DNAJC1: variants seen among roughly 807,000 people sequenced by gnomAD.
DNAJC1 encodes the protein dnaJ homolog subfamily C member 1.
Under a neutral mutation model 76.6 loss-of-function variants are expected in DNAJC1, and 58 were observed. The ratio of observed to expected loss-of-function variants is 0.76; its 90% CI spans 0.61 to 0.94. The LOEUF is 0.94. DNAJC1 is among the 40% of genes least tolerant of loss of function. DNAJC1 has a pLI of 0.00. For synonymous variants in DNAJC1, 258 were observed against 267.9 expected (o/e 0.96, Z 0.36); for missense variants, 689 against 677.3 (o/e 1.02, Z -0.19).
intron 1 of DNAJC1, among the ~76,000 whole-genome samples, chr10:21,978,025 T>C (rs1838092698): frequency 1.3e-5 from 2 of 152,292 alleles, no homozygotes; most frequent in African/African-American, 2.4e-5. Flanking sequence ...CTGTTTTTTA[T>C]ATAGGAGCAT....
chr10:21,868,725 T>C (rs889266024), intron 8 of DNAJC1, among the ~76,000 whole-genome samples: 33 of 151,880 alleles, frequency 2.2e-4, no homozygotes, highest in African/African-American at 6.8e-4. Flanking sequence ...AACTAAAATT[T>C]GAAGCTCCCC....
intron 8 of DNAJC1, among the ~76,000 whole-genome samples, chr10:21,837,273 C>T (rs770816765): frequency 3.3e-5 from 5 of 152,196 alleles, no homozygotes; most frequent in Non-Finnish European, 7.3e-5. Context: ...CCCTCCACCT[C>T]CCAGCCGCCT....
intron 9 of DNAJC1, among the ~76,000 whole-genome samples, chr10:21,794,029 C>A (rs534545639): frequency 6.6e-6 from 1 of 152,184 alleles, no homozygotes; most frequent in African/African-American, 2.4e-5. Flanking sequence ...AATCCCAACA[C>A]TTTGGGAGGC....
At chr10:21,971,476 G>A (rs1336514855) in intron 1 of DNAJC1, among the ~76,000 whole-genome samples, 3 of 151,602 alleles carry the variant, frequency 2.0e-5, no homozygotes, top group Non-Finnish European at 4.4e-5. Context: ...AATCAAAAAA[G>A]CAACTGAAAA....
chr10:21,926,658 G>A (rs928231147), intron 3 of DNAJC1, among the ~76,000 whole-genome samples: 1 of 152,224 alleles, frequency 6.6e-6, no homozygotes, highest in Middle Eastern at 3.4e-3. Context: ...CTGGCCTCAG[G>A]CACAAGCTTT....
At chr10:21,961,797 A>G (rs1837796436) in intron 1 of DNAJC1, among the ~76,000 whole-genome samples, 1 of 152,168 alleles carries the variant, frequency 6.6e-6, no homozygotes. Context: ...CACATCCTCC[A>G]AAGTCTTTTA....
At chr10:21,903,898 C>T (rs990184335) in intron 7 of DNAJC1, among the ~76,000 whole-genome samples, 2 of 151,922 alleles carry the variant, frequency 1.3e-5, no homozygotes, top group African/African-American at 2.4e-5. Context: ...TAAAGAAATG[C>T]AAAGAGACAC....
chr10:21,907,893 G>A (rs1836772891), intron 6 of DNAJC1, among the ~76,000 whole-genome samples: 1 of 148,394 alleles, frequency 6.7e-6, no homozygotes, highest in Non-Finnish European at 1.5e-5. Context: ...CAAGAGAATT[G>A]CTTGAACCTG....
At chr10:21,827,058 C>G (rs951139760) in intron 8 of DNAJC1, among the ~76,000 whole-genome samples, 1 of 151,668 alleles carries the variant, frequency 6.6e-6, no homozygotes, top group African/African-American at 2.4e-5. Context: ...ATTTTAATAA[C>G]ATTAAGTCTT....
At chr10:21,992,090 C>G (rs375191407) in intron 1 of DNAJC1, among the ~76,000 whole-genome samples, 12 of 152,208 alleles carry the variant, frequency 7.9e-5, no homozygotes, top group African/African-American at 2.9e-4. Flanking sequence ...GTTGGCGGAT[C>G]GCCTGACATC....
At chr10:21,941,565 T>C (rs1040369386) in intron 1 of DNAJC1, among the ~76,000 whole-genome samples, 1 of 152,098 alleles carries the variant, frequency 6.6e-6, no homozygotes, top group Non-Finnish European at 1.5e-5. Flanking sequence ...AAGGATAATA[T>C]AGGAAAATGA....
intron 1 of DNAJC1, among the ~76,000 whole-genome samples, chr10:21,985,755 C>G (rs73594522): frequency 0.013 from 2,010 of 152,232 alleles, 47 homozygotes; most frequent in African/African-American, 0.045. Context: ...ACATTTTGTT[C>G]ATCCATTCAA....
intron 3 of DNAJC1, among the ~76,000 whole-genome samples, chr10:21,926,439 A>T (rs1837130526): frequency 6.6e-6 from 1 of 152,208 alleles, no homozygotes; most frequent in Non-Finnish European, 1.5e-5. Flanking sequence ...CAATTCCTGG[A>T]AGGTTACACA....
chr10:21,892,451 AGAG>A (rs985999122), intron 7 of DNAJC1, among the ~76,000 whole-genome samples: 3 of 152,000 alleles, frequency 2.0e-5, no homozygotes, highest in Admixed American at 2.0e-4. Context: ...TAGAGAAAAA[AGAG>A]AAATGATAGA....
At chr10:21,856,808 C>A (rs1160050003) in intron 8 of DNAJC1, among the ~76,000 whole-genome samples, 1 of 152,012 alleles carries the variant, frequency 6.6e-6, no homozygotes, top group Non-Finnish European at 1.5e-5. Flanking sequence ...GCTATCTCGG[C>A]TCACTGCCAC....
At chr10:21,758,661 G>A (rs549234198) in intron 11 of DNAJC1, among the ~76,000 whole-genome samples, 69 of 152,376 alleles carry the variant, frequency 4.5e-4, no homozygotes, top group Non-Finnish European at 8.8e-4. Context: ...TGAGTCCAAA[G>A]TTATTCACAT....
intron 2 of DNAJC1, 128 bp from the exon 3 acceptor site, chr10:21,928,680 T>C: frequency 1.5e-6 from 1 of 683,946 alleles, no homozygotes; most frequent in South Asian, 2.1e-5. Context: ...ACAGATGAAA[T>C]CTCCTTTATA....
intron 7 of DNAJC1, among the ~76,000 whole-genome samples, 160 bp from the exon 8 acceptor site, chr10:21,882,599 T>C (rs1011027035): frequency 1.3e-5 from 2 of 152,210 alleles, no homozygotes; most frequent in Non-Finnish European, 2.9e-5. Flanking sequence ...AACCATTGCA[T>C]TGTTTCTAAA....
chr10:21,966,117 T>C (rs1359347550), intron 1 of DNAJC1, among the ~76,000 whole-genome samples: 3 of 152,224 alleles, frequency 2.0e-5, no homozygotes, highest in Non-Finnish European at 4.4e-5. Context: ...TGACATTTTC[T>C]CATGATTAAA....
Sources: allele counts gnomAD v4.1 joint callset (sites outside exome capture counted in the v4.1 genomes callset), GRCh38; gene constraint gnomAD v4.1.1; transcripts MANE v1.5; gene names NCBI Gene and HGNC (gene_info 2026-07-23, HGNC 2026-07-21).